Variants in SLC25A36 observed in about 807,000 individuals in gnomAD.
SLC25A36 encodes epididymis secretory sperm binding protein.
Under a neutral mutation model 35.3 loss-of-function variants are expected in SLC25A36, and 24 were observed. That is an observed-to-expected ratio of 0.68 (90% CI 0.49 to 0.96). The LOEUF is 0.96. Ranked by LOEUF, SLC25A36 falls within the 40% of genes least tolerant of loss-of-function variation. The pLI is 0.00. For missense variants in SLC25A36, 294 were observed against 381.1 expected (o/e 0.77, Z 1.90); for synonymous variants, 141 against 132.2 (o/e 1.07, Z -0.46).
chr3:140,946,234 A>G (rs1934160509), intron 1 of SLC25A36, among the ~76,000 whole-genome samples: 1 of 152,194 alleles, frequency 6.6e-6, no homozygotes, highest in Admixed American at 6.5e-5. Flanking sequence ...CTAGTACTAA[A>G]TCGAATGATG....
chr3:140,973,992 A>G lies in SLC25A36; in HGVS notation c.729A>G (p.Ile243Met), dbSNP rs1934973202. The change falls in exon 6 of 7, where the codon ATA becomes ATG. Residue 243 changes from isoleucine (I) to methionine (M), a missense_variant. This residue lies in a region of SLC25A36 where 109 missense variants were observed against 179.7 expected (regional missense o/e 0.61). Transcript: ENST00000324194. ...AATSKTCATT[I>M]AYPHEVVRTR... ...CCTCAAAAACTTGTGCCACAACTAT[A>G]GCATATCCACATGGTAAGAAGAGTT... 1 of 1,557,032 alleles carries G rather than the reference A, an allele frequency of 6.4e-7. No homozygotes were observed. The highest frequency in any genetic ancestry group is 8.7e-7 in the Non-Finnish European group (1 of 1,146,688).
chr3:140,950,920 G>GTGTGTC (rs1235217597), intron 1 of SLC25A36, among the ~76,000 whole-genome samples: 20 of 143,410 alleles, frequency 1.4e-4, no homozygotes, highest in African/African-American at 4.9e-4. Flanking sequence ...CTGTGTGTCT[G>GTGTGTC]TGTGTGTGTG....
At chr3:140,971,598 T>A (rs1306896979) in intron 5 of SLC25A36, among the ~76,000 whole-genome samples, 1 of 152,208 alleles carries the variant, frequency 6.6e-6, no homozygotes, top group Non-Finnish European at 1.5e-5. Flanking sequence ...GAACCCATTT[T>A]AAGCTGAGGA....
chr3:140,945,243 C>G (rs1934131700), intron 1 of SLC25A36, among the ~76,000 whole-genome samples: 1 of 152,200 alleles, frequency 6.6e-6, no homozygotes, highest in African/African-American at 2.4e-5. Context: ...GTCAGGGCTA[C>G]AATCTCATGA....
At chr3:140,968,032 G>A in intron 4 of SLC25A36, 1 of 984,780 alleles carries the variant, frequency 1.0e-6, no homozygotes, top group Non-Finnish European at 1.2e-6. Context: ...CTTTGTGTGT[G>A]TTTGTCATAT....
intron 4 of SLC25A36, 112 bp from the exon 5 acceptor site, chr3:140,970,815 A>G: frequency 1.8e-6 from 1 of 566,562 alleles, no homozygotes; most frequent in Non-Finnish European, 3.2e-6. Flanking sequence ...ATAAATTAGT[A>G]GTTTATTTAT....
At position 140,959,542 on chromosome 3, in the gene SLC25A36, TAAA is replaced by T. The variant is rs76812029; in HGVS notation, c.284+15_284+17del. 764 of 1,213,102 alleles carry T rather than the reference TAAA, an allele frequency of 6.3e-4. No individual in the cohort carries two copies. Among genetic ancestry groups the T allele is most frequent in the South Asian group, 1.4e-3 (76 of 53,546 alleles). The allele number at this position is 1,213,102 out of a possible 1,614,324, so 75.1% of individuals were successfully genotyped here. On this transcript the variant is annotated splice_donor_5th_base_variant and intron_variant, in intron 3 of 6. Transcript: ENST00000324194. ...TTTAGTGGGGGTAGCCCCTTCCAGGTAAAAAAAAAAAAAAATTGTTTAAAGCAA... is the reference window on the plus strand; with the variant it reads ...TTTAGTGGGGGTAGCCCCTTCCAGGTAAAAAAAAAAAATTGTTTAAAGCAA...
chr3:140,976,641 A>AC lies in SLC25A36; in HGVS notation c.*188_*189insC, dbSNP rs1207900466. 2.5e-6 allele frequency: 1 copy of AC among 402,542 alleles called. No individual in the cohort carries two copies. The highest frequency in any genetic ancestry group is 4.3e-5 in the Admixed American group (1 of 23,270). The allele number at this position is 402,542 out of a possible 1,614,324, so 24.9% of individuals were successfully genotyped here. ...ACTTGGCCTTTCGGTAATGTGAAAA[A>AC]AAAAAAAAACCTCAGAGCCTCCAAG... is the stretch of plus-strand genomic sequence containing the variant. On this transcript the variant is annotated 3_prime_UTR_variant, in exon 7 of 7. Coordinates refer to ENST00000324194, the MANE Select transcript of SLC25A36 (RefSeq NM_001104647.3).
At chr3:140,947,783 A>G (rs919976020) in intron 1 of SLC25A36, among the ~76,000 whole-genome samples, 13 of 152,218 alleles carry the variant, frequency 8.5e-5, no homozygotes, top group Non-Finnish European at 1.8e-4. Context: ...AAGTTGGTCT[A>G]TCAGGTATAT....
chr3:140,955,241 T>TTA (rs1464751557), intron 1 of SLC25A36, among the ~76,000 whole-genome samples: 2 of 152,094 alleles, frequency 1.3e-5, no homozygotes, highest in Non-Finnish European at 2.9e-5. Flanking sequence ...CTGCTTTCCT[T>TTA]TATATATATG....
chr3:140,956,001 A>AT (rs1934470021), intron 1 of SLC25A36, among the ~76,000 whole-genome samples: 1 of 152,214 alleles, frequency 6.6e-6, no homozygotes, highest in South Asian at 2.1e-4. Flanking sequence ...CAAATGCTGT[A>AT]TTTTTTTGTA....
At chr3:140,967,313 T>C (rs1934786592) in intron 4 of SLC25A36, among the ~76,000 whole-genome samples, 1 of 151,896 alleles carries the variant, frequency 6.6e-6, no homozygotes. Context: ...CTGTAAATGG[T>C]ATTATACTAT....
chr3:140,949,263 T>G (rs1297134102), intron 1 of SLC25A36, among the ~76,000 whole-genome samples: 1 of 152,220 alleles, frequency 6.6e-6, no homozygotes, highest in African/African-American at 2.4e-5. Context: ...ATTTGAAAGT[T>G]CTTAGACAGT....
At chr3:140,955,312 T>C (rs1424549277) in intron 1 of SLC25A36, among the ~76,000 whole-genome samples, 5 of 152,048 alleles carry the variant, frequency 3.3e-5, no homozygotes, top group African/African-American at 9.7e-5. Context: ...ATGGGTTGCT[T>C]TTCTTTTTCT....
At chr3:140,961,458 A>G (rs1934624077) in intron 3 of SLC25A36, among the ~76,000 whole-genome samples, 1 of 152,110 alleles carries the variant, frequency 6.6e-6, no homozygotes, top group Non-Finnish European at 1.5e-5. Context: ...GGTTCAGTAA[A>G]CATACCTCAA....
chr3:140,950,888 GTGTGTGTGTCTC>G (rs550808215), intron 1 of SLC25A36, among the ~76,000 whole-genome samples: 1 of 139,042 alleles, frequency 7.2e-6, no homozygotes, highest in African/African-American at 2.9e-5. Context: ...TCCAGCGTGT[GTGTGTGTGTCTC>G]TGTGTGTGTC....
intron 2 of SLC25A36, 102 bp from the exon 3 acceptor site, chr3:140,959,361 A>G: frequency 1.4e-6 from 1 of 715,578 alleles, no homozygotes; most frequent in Non-Finnish European, 2.2e-6. Context: ...AGCACAACAT[A>G]ATACAAATGT....
chr3:140,950,125 T>C (rs1228244722), intron 1 of SLC25A36, among the ~76,000 whole-genome samples: 1 of 152,194 alleles, frequency 6.6e-6, no homozygotes, highest in Admixed American at 6.5e-5. Context: ...TAACAGTTTT[T>C]GTTAAAAATC....
chr3:140,976,144 C>G (rs1404433858), intron 6 of SLC25A36, 116 bp from the exon 7 acceptor site: 25 of 689,716 alleles, frequency 3.6e-5, no homozygotes, highest in Non-Finnish European at 5.4e-5. Context: ...ACATTAGAAG[C>G]CATCCTTTTT....
Sources: allele counts gnomAD v4.1 joint callset (sites outside exome capture counted in the v4.1 genomes callset), GRCh38; gene constraint gnomAD v4.1.1; regional missense constraint gnomAD v4.1.1; transcripts MANE v1.5; gene names NCBI Gene and HGNC (gene_info 2026-07-23, HGNC 2026-07-21).